IFTAP: variants seen among roughly 807,000 people sequenced by gnomAD.
IFTAP encodes intraflagellar transport associated protein.
IFTAP carries 19 observed loss-of-function variants against 19.4 expected under a neutral mutation model. The observed-to-expected ratio is 0.98, with a 90% CI of 0.68 to 1.44. The LOEUF is 1.44. Ranked by LOEUF, IFTAP falls within the 40% of genes most tolerant of loss-of-function variation. IFTAP has a pLI of 0.00. For missense variants in IFTAP, 240 were observed against 253.6 expected (o/e 0.95, Z 0.36); for synonymous variants, 85 against 83.5 (o/e 1.02, Z -0.10).
chr11:36,629,341 T>A (rs1268645737), intron 2 of IFTAP, among the ~76,000 whole-genome samples: 1 of 151,408 alleles, frequency 6.6e-6, no homozygotes, highest in Non-Finnish European at 1.5e-5. Context: ...ATTGTCCCCC[T>A]ATGAATTTTT....
chr11:36,640,563 A>T (rs1470828708), intron 4 of IFTAP, among the ~76,000 whole-genome samples: 2 of 152,184 alleles, frequency 1.3e-5, no homozygotes, highest in Admixed American at 6.5e-5. Context: ...TTTTTATTGG[A>T]AAGAGTGACT....
chr11:36,640,148 G>A (rs1340580384), intron 4 of IFTAP, among the ~76,000 whole-genome samples: 1 of 152,060 alleles, frequency 6.6e-6, no homozygotes, highest in East Asian at 1.9e-4. Context: ...CTGAAGATGT[G>A]GTATAGGAAC....
intron 2 of IFTAP, among the ~76,000 whole-genome samples, chr11:36,630,160 A>G (rs1402517156): frequency 6.6e-6 from 1 of 151,412 alleles, no homozygotes; most frequent in Non-Finnish European, 1.5e-5. Flanking sequence ...TCCACTTCAG[A>G]TTCTGGGCTG....
intron 5 of IFTAP, chr11:36,648,420 CAATAGA>C (rs1419585135): frequency 6.7e-6 from 2 of 299,952 alleles, no homozygotes; most frequent in African/African-American, 4.3e-5. Flanking sequence ...AAGGACTACA[CAATAGA>C]AAGGACGGAC....
At chr11:36,620,542 T>C (rs751516146) in intron 2 of IFTAP, among the ~76,000 whole-genome samples, 57 of 152,164 alleles carry the variant, frequency 3.7e-4, no homozygotes, top group Non-Finnish European at 6.8e-4. Context: ...GTTTTAGATA[T>C]ATTAGCATAA....
At chr11:36,648,632 C>G (rs1853586657) in intron 5 of IFTAP, among the ~76,000 whole-genome samples, 1 of 152,148 alleles carries the variant, frequency 6.6e-6, no homozygotes. Flanking sequence ...GAGCAGGTGG[C>G]TCCTTTTTGG....
chr11:36,651,364 G>C (rs571949266), intron 5 of IFTAP, among the ~76,000 whole-genome samples: 2 of 152,308 alleles, frequency 1.3e-5, no homozygotes, highest in African/African-American at 4.8e-5. Context: ...CTTTTGAGAA[G>C]TGTCTGTTCA....
intron 1 of IFTAP, among the ~76,000 whole-genome samples, chr11:36,598,690 A>G (rs949037352): frequency 6.6e-6 from 1 of 152,170 alleles, no homozygotes; most frequent in African/African-American, 2.4e-5. Flanking sequence ...CTACTGAGTA[A>G]TAATACAGTG....
intron 2 of IFTAP, among the ~76,000 whole-genome samples, chr11:36,620,639 G>T (rs73437947): frequency 0.12 from 17,723 of 151,812 alleles, 1,243 homozygotes; most frequent in African/African-American, 0.18. Context: ...GTGACTGCTG[G>T]AGTTTACATG....
chr11:36,639,721 G>A (rs1313990556), intron 4 of IFTAP, among the ~76,000 whole-genome samples: 4 of 152,132 alleles, frequency 2.6e-5, no homozygotes, highest in Non-Finnish European at 5.9e-5. Flanking sequence ...GTTCCTGAGG[G>A]ATCTACTCTG....
intron 4 of IFTAP, among the ~76,000 whole-genome samples, chr11:36,644,597 C>G (rs369408949): frequency 6.6e-6 from 1 of 152,164 alleles, no homozygotes; most frequent in South Asian, 2.1e-4. Flanking sequence ...TTGGAACCAA[C>G]CCAAATGTCC....
intron 4 of IFTAP, among the ~76,000 whole-genome samples, chr11:36,640,650 A>G (rs1202280803): frequency 6.6e-6 from 1 of 152,220 alleles, no homozygotes; most frequent in African/African-American, 2.4e-5. Flanking sequence ...TTCATTGCCA[A>G]TGATAAAATT....
intron 2 of IFTAP, among the ~76,000 whole-genome samples, chr11:36,611,336 A>G (rs1328115300): frequency 6.6e-6 from 1 of 152,012 alleles, no homozygotes; most frequent in East Asian, 1.9e-4. Flanking sequence ...TTTAGAATGT[A>G]TTGACATCAG....
At chr11:36,607,243 A>G (rs1336057167) in intron 1 of IFTAP, among the ~76,000 whole-genome samples, 1 of 152,208 alleles carries the variant, frequency 6.6e-6, no homozygotes, top group Non-Finnish European at 1.5e-5. Flanking sequence ...CTGATCCATC[A>G]TCATCATCAT....
chr11:36,618,382 G>A (rs188578762), intron 2 of IFTAP, among the ~76,000 whole-genome samples: 1 of 152,056 alleles, frequency 6.6e-6, no homozygotes, highest in Non-Finnish European at 1.5e-5. Flanking sequence ...TCAAGACCTG[G>A]GGTCACTGGT....
chr11:36,631,229 A>G (rs913160277), intron 2 of IFTAP, among the ~76,000 whole-genome samples: 2 of 151,318 alleles, frequency 1.3e-5, no homozygotes, highest in African/African-American at 4.9e-5. Flanking sequence ...GGCAAGGGCT[A>G]CCTCTCCCAC....
chr11:36,648,237 G>A (rs905330419), intron 5 of IFTAP, 82 bp downstream of exon 5: 54 of 1,462,200 alleles, frequency 3.7e-5, no homozygotes, highest in Non-Finnish European at 1.0e-5. Context: ...GCATGCTTCT[G>A]TATTTTTCTA....
chr11:36,658,870 A>C (rs1854103590), intron 5 of IFTAP, 149 bp from the exon 6 acceptor site: 1 of 544,598 alleles, frequency 1.8e-6, no homozygotes, highest in Non-Finnish European at 3.0e-6. Context: ...AATTAAATTT[A>C]TTTCTTTACT....
At chr11:36,611,323 G>A (rs1020301471) in intron 2 of IFTAP, among the ~76,000 whole-genome samples, 1 of 151,958 alleles carries the variant, frequency 6.6e-6, no homozygotes, top group Non-Finnish European at 1.5e-5. Flanking sequence ...CACCTGACTC[G>A]CTTTTAGAAT....
Sources: gnomAD v4.1 joint callset for allele counts (sites outside exome capture counted in the v4.1 genomes callset) on GRCh38, gnomAD v4.1.1 for gene constraint, MANE v1.5 for transcripts, NCBI Gene and HGNC (gene_info 2026-07-23, HGNC 2026-07-21) for gene names.